CHN1: variants seen among roughly 807,000 people sequenced by gnomAD.
The protein encoded by CHN1 is N-chimaerin.
CHN1 carries 37 observed loss-of-function variants against 59.5 expected under a neutral mutation model. The observed-to-expected ratio is 0.62, with a 90% CI of 0.48 to 0.82. The LOEUF (loss-of-function observed/expected upper bound fraction) is 0.82, where lower values mean the gene tolerates loss of function less well. CHN1 is among the 40% of genes least tolerant of loss of function. The pLI, the probability that CHN1 is intolerant of heterozygous loss-of-function variation, is 0.00. For synonymous variants in CHN1, 206 were observed against 200.4 expected (o/e 1.03, Z -0.24); for missense variants, 469 against 571.0 (o/e 0.82, Z 1.82).
In CHN1 at chr2:174,952,209, G is replaced by A; in HGVS notation, c.20-7C>T. ...GGTCTATATTCATCTGTATCTGAAA[G>A]AAAAAACATCAAATTAACATTACTG... is the stretch of plus-strand genomic sequence containing the variant. On this transcript the variant is annotated splice_polypyrimidine_tract_variant and splice_region_variant and intron_variant, in intron 1 of 12. Coordinates refer to ENST00000409900, the MANE Select transcript of CHN1 (RefSeq NM_001822.7). 1 of 1,414,062 alleles carries A rather than the reference G, an allele frequency of 7.1e-7. No homozygotes were observed. Among genetic ancestry groups the A allele is most frequent in the Non-Finnish European group, 9.4e-7 (1 of 1,064,016 alleles). 87.6% of individuals were successfully genotyped at this position (1,414,062 alleles called of 1,614,324 possible).
chr2:174,945,915 G>T (rs1689817663), intron 2 of CHN1, among the ~76,000 whole-genome samples: 1 of 149,426 alleles, frequency 6.7e-6, no homozygotes. Context: ...TAGCCTGTGT[G>T]TGTGTGTGTG....
At chr2:174,928,960 T>A (rs539940747) in intron 3 of CHN1, among the ~76,000 whole-genome samples, 4 of 152,124 alleles carry the variant, frequency 2.6e-5, no homozygotes, top group Non-Finnish European at 4.4e-5. Context: ...AAGACCTACA[T>A]AGAGTTGGAA....
At chr2:174,925,961 C>A (rs1327956344) in intron 3 of CHN1, among the ~76,000 whole-genome samples, 1 of 152,166 alleles carries the variant, frequency 6.6e-6, no homozygotes, top group African/African-American at 2.4e-5. Flanking sequence ...AAATATTTTA[C>A]AGTGTTTGGT....
rs80077089 is a variant in CHN1 at position 174,850,609 on chromosome 2, T to C, written c.550-3652A>G. On this transcript the variant is annotated intron_variant, in intron 6 of 12. Transcript: ENST00000409900. ...GAGCCCAATATTAGCTGTAGGTATA[T>C]AGTGTAAGTATAAGACACAGGTCCC... Among the ~76,000 whole-genome samples the C allele has an allele frequency of 7.8e-3, 1,194 of 152,276 alleles. 10 individuals carry two copies. The highest frequency in any genetic ancestry group is 0.013 in the South Asian group (62 of 4,814).
At chr2:174,947,393 G>A (rs1056522192) in intron 2 of CHN1, among the ~76,000 whole-genome samples, 1 of 151,506 alleles carries the variant, frequency 6.6e-6, no homozygotes, top group Non-Finnish European at 1.5e-5. Context: ...ATAAAGCTCT[G>A]TTTCATAACG....
intron 7 of CHN1, among the ~76,000 whole-genome samples, chr2:174,840,267 A>G (rs1263022905): frequency 7.0e-6 from 1 of 143,308 alleles, no homozygotes; most frequent in Non-Finnish European, 1.5e-5. Flanking sequence ...CTCCTGGCTC[A>G]AGTGATCTCA....
intron 7 of CHN1, among the ~76,000 whole-genome samples, chr2:174,845,285 C>G (rs1250817216): frequency 1.3e-5 from 2 of 152,126 alleles, no homozygotes; most frequent in African/African-American, 4.8e-5. Context: ...TATTTAAGAT[C>G]TCAGCTATTT....
In CHN1 at chr2:174,838,283, A is replaced by AGG. The variant is rs1390070125; in HGVS notation, c.627+8595_627+8596dup. 1.3e-4 allele frequency among the ~76,000 whole-genome samples: 20 copies of AGG among 152,082 alleles called. 2 individuals are homozygous for AGG. The East Asian group carries it at 3.9e-3, about 30-fold the overall frequency. Reference sequence around the variant, plus strand: ...TAATTTTGTATTTTTAGTAGAGACAAGGTTTCTCCATGTTGGTCAGGCTGG... The same window carrying AGG: ...TAATTTTGTATTTTTAGTAGAGACAAGGGGTTTCTCCATGTTGGTCAGGCTGG... On this transcript the variant is annotated intron_variant, in intron 7 of 12. Transcript: ENST00000409900.
At chr2:175,001,972 C>A (rs945028777) in intron 1 of CHN1, among the ~76,000 whole-genome samples, 1 of 152,124 alleles carries the variant, frequency 6.6e-6, no homozygotes, top group Non-Finnish European at 1.5e-5. Context: ...AAAGCCTATA[C>A]GGAATTAGTT....
chr2:174,889,409 C>G (rs1233358468), intron 5 of CHN1, among the ~76,000 whole-genome samples: 3 of 151,930 alleles, frequency 2.0e-5, no homozygotes, highest in African/African-American at 7.3e-5. Context: ...TATGAAATAT[C>G]TGAAAAAGAA....
chr2:174,868,245 A>G (rs1477232223), intron 6 of CHN1, among the ~76,000 whole-genome samples: 1 of 152,200 alleles, frequency 6.6e-6, no homozygotes. Context: ...TATCACCTAC[A>G]CATGTTGGCA....
rs140047362 is a variant in CHN1, at chr2:174,920,487, G to A, written c.115-1922C>T. 2.5e-4 allele frequency among the ~76,000 whole-genome samples: 38 copies of A among 152,206 alleles called. No homozygotes were observed. The East Asian group carries it at 6.7e-3, about 27-fold the overall frequency. On this transcript the variant is annotated intron_variant, in intron 3 of 12. Coordinates refer to ENST00000409900, the MANE Select transcript of CHN1 (RefSeq NM_001822.7). ...CTCAAAAATGGCAAAAAGGGAAAAA[G>A]CCCTCTGTCTATTTGACACTGACTC...
chr2:174,877,254 T>C (rs1463779308), intron 6 of CHN1, among the ~76,000 whole-genome samples: 2 of 152,162 alleles, frequency 1.3e-5, no homozygotes, highest in African/African-American at 2.4e-5. Context: ...TTAGAATTAA[T>C]TGTCTTTTAT....
chr2:174,838,039 T>TA (rs1359921630), intron 7 of CHN1, among the ~76,000 whole-genome samples: 1 of 152,188 alleles, frequency 6.6e-6, no homozygotes, highest in Non-Finnish European at 1.5e-5. Context: ...GACATGTACG[T>TA]ATTCTTTAGG....
At chr2:174,956,129 A>T (rs1690196600) in intron 1 of CHN1, among the ~76,000 whole-genome samples, 1 of 152,230 alleles carries the variant, frequency 6.6e-6, no homozygotes, top group South Asian at 2.1e-4. Flanking sequence ...GAGAATAATG[A>T]TAAGAATTAC....
intron 5 of CHN1, among the ~76,000 whole-genome samples, chr2:174,913,980 G>A (rs1046026315): frequency 3.9e-5 from 6 of 152,166 alleles, no homozygotes; most frequent in African/African-American, 9.7e-5. Context: ...CAAAGACAAC[G>A]GATAAATATT....
At chr2:174,933,702 A>T (rs572445646) in intron 3 of CHN1, among the ~76,000 whole-genome samples, 1 of 152,312 alleles carries the variant, frequency 6.6e-6, no homozygotes, top group South Asian at 2.1e-4. Flanking sequence ...AAATAATAGG[A>T]TATTTGTGGG....
At chr2:174,939,416 C>T (rs1452476081) in intron 3 of CHN1, among the ~76,000 whole-genome samples, 2 of 152,194 alleles carry the variant, frequency 1.3e-5, no homozygotes, top group African/African-American at 4.8e-5. Context: ...ACACTTTTCA[C>T]ACAACTACAT....
chr2:174,819,202 A>T (rs1685391530), intron 8 of CHN1, among the ~76,000 whole-genome samples: 1 of 152,228 alleles, frequency 6.6e-6, no homozygotes, highest in Non-Finnish European at 1.5e-5. Flanking sequence ...GCTTACAAGG[A>T]CAAACGCAAC....
Sources: allele counts gnomAD v4.1 joint callset (sites outside exome capture counted in the v4.1 genomes callset), GRCh38; gene constraint gnomAD v4.1.1; transcripts MANE v1.5; gene names NCBI Gene and HGNC (gene_info 2026-07-23, HGNC 2026-07-21).